The following EIF2AK4 variants were observed in gnomAD, a reference collection of about 807,000 sequenced individuals.
The protein encoded by EIF2AK4 is eIF-2-alpha kinase GCN2.
A neutral mutation model predicts 211.1 loss-of-function variants in EIF2AK4; 139 were observed. That is an observed-to-expected ratio of 0.66 (90% CI 0.57 to 0.76). EIF2AK4 has a LOEUF of 0.76. Ranked by LOEUF, EIF2AK4 falls within the 30% of genes least tolerant of loss-of-function variation. The pLI is 0.00. For missense variants in EIF2AK4, 1,664 were observed against 2,043.8 expected, an observed-to-expected ratio of 0.81 and a Z score of 3.58; for synonymous variants, 710 against 751.3, an observed-to-expected ratio of 0.94 and a Z score of 0.90.
intron 23 of EIF2AK4, 112 bp downstream of exon 23, chr15:40,003,426 G>C: frequency 6.8e-7 from 1 of 1,477,324 alleles, no homozygotes; most frequent in African/African-American, 1.4e-5. Context: ...TCACCTTTGG[G>C]AAATGTATTC....
At position 40,009,672 on chromosome 15, in the gene EIF2AK4, A is replaced by G. The variant is rs757035408; in HGVS notation, c.3635A>G (p.His1212Arg). 1 of 1,610,868 alleles carries G rather than the reference A, an allele frequency of 6.2e-7. No homozygotes were observed. The highest frequency in any genetic ancestry group is 8.5e-7 in the Non-Finnish European group (1 of 1,178,650). ...ATGTTATTGAAAGCAATACTCTTAC[A>G]CTGTGGGATCCCAGAAGATAAACTC... The part of the protein sequence containing the change: ...HTMLLKAILL[H>R]CGIPEDKLSQ... Residue 1212 changes from histidine (H) to arginine (R), a missense_variant, in exon 26 of 39, where the codon CAC becomes CGC. Physicochemically the swap from His to Arg is conservative, Grantham distance 29. Around this residue, in one of 7 missense-constraint regions of EIF2AK4, gnomAD observed 622 missense variants for 796.8 expected, o/e 0.78. Coordinates refer to ENST00000263791, the MANE Select transcript of EIF2AK4 (RefSeq NM_001013703.4).
intron 9 of EIF2AK4, 39 bp downstream of exon 9, chr15:39,967,918 C>T (rs2034568060): frequency 1.3e-6 from 2 of 1,593,270 alleles, no homozygotes; most frequent in East Asian, 4.5e-5. Flanking sequence ...GCACTTTACT[C>T]CTGTACTTTT....
intron 3 of EIF2AK4, among the ~76,000 whole-genome samples, chr15:39,947,152 CTCT>C (rs2034240329): frequency 6.6e-6 from 1 of 152,146 alleles, no homozygotes; most frequent in Non-Finnish European, 1.5e-5. Flanking sequence ...GTGCAAATCA[CTCT>C]TCTTGTTTAT....
At chr15:39,937,719 G>C (rs1188306734) in intron 1 of EIF2AK4, among the ~76,000 whole-genome samples, 7 of 146,926 alleles carry the variant, frequency 4.8e-5, no homozygotes, top group Non-Finnish European at 9.1e-5. Context: ...ATATAAGTAG[G>C]TTTTTTTTTT....
chr15:40,033,228 G>A (rs1430512860), intron 37 of EIF2AK4, among the ~76,000 whole-genome samples: 1 of 152,158 alleles, frequency 6.6e-6, no homozygotes, highest in Non-Finnish European at 1.5e-5. Context: ...CTAGTAAGTA[G>A]TAGAACCAGG....
chr15:40,006,238 G>A (rs950555799), intron 23 of EIF2AK4, among the ~76,000 whole-genome samples: 4 of 151,876 alleles, frequency 2.6e-5, no homozygotes, highest in Non-Finnish European at 5.9e-5. Context: ...CTTTTATAGT[G>A]AGTAAAGTGA....
intron 2 of EIF2AK4, among the ~76,000 whole-genome samples, chr15:39,940,591 TA>T (rs2034131309): frequency 6.6e-6 from 1 of 152,210 alleles, no homozygotes; most frequent in East Asian, 1.9e-4. Flanking sequence ...ATACATACTA[TA>T]AAAATATTAA....
intron 27 of EIF2AK4, 111 bp downstream of exon 27, chr15:40,011,457 T>A: frequency 1.2e-6 from 1 of 833,032 alleles, no homozygotes; most frequent in African/African-American, 1.7e-5. Flanking sequence ...TCCTACCACC[T>A]CGCAGATGCA....
At chr15:39,965,911 A>C in intron 8 of EIF2AK4, 68 bp downstream of exon 8, 1 of 1,573,836 alleles carries the variant, frequency 6.4e-7, no homozygotes, top group Non-Finnish European at 8.6e-7. Flanking sequence ...ACAGAACAAA[A>C]TAGCCCTGCA....
intron 23 of EIF2AK4, among the ~76,000 whole-genome samples, chr15:40,005,105 G>T (rs1194280686): frequency 6.6e-6 from 1 of 152,190 alleles, no homozygotes; most frequent in Non-Finnish European, 1.5e-5. Context: ...ATCTAAAGAT[G>T]ATTTAAAGTG....
intron 27 of EIF2AK4, among the ~76,000 whole-genome samples, chr15:40,013,515 C>T (rs2035264986): frequency 6.6e-6 from 1 of 151,936 alleles, no homozygotes; most frequent in South Asian, 2.1e-4. Flanking sequence ...AGGAGCAAGT[C>T]ACGTCTTATA....
intron 31 of EIF2AK4, 159 bp from the exon 32 acceptor site, chr15:40,022,360 A>G (rs191024605): frequency 4.3e-5 from 26 of 601,900 alleles, no homozygotes; most frequent in East Asian, 6.0e-5. Flanking sequence ...CTTGAATTCT[A>G]TGCGGCTTCT....
At chr15:39,994,229 A>G (rs2034988887) in intron 18 of EIF2AK4, among the ~76,000 whole-genome samples, 1 of 152,214 alleles carries the variant, frequency 6.6e-6, no homozygotes, top group African/African-American at 2.4e-5. Flanking sequence ...CAGAAGGATA[A>G]ATTTGAAATC....
chr15:39,995,602 T>C (rs1374834594), intron 18 of EIF2AK4, among the ~76,000 whole-genome samples: 3 of 152,168 alleles, frequency 2.0e-5, no homozygotes, highest in African/African-American at 4.8e-5. Flanking sequence ...GATACTTTTT[T>C]TGTTTTTGTC....
rs186949228 is a variant in EIF2AK4, at chr15:39,971,250, G to A, written c.1554-1658G>A. Among the ~76,000 whole-genome samples the A allele has an allele frequency of 4.0e-3, 610 of 152,248 alleles. 5 individuals are homozygous for A. The highest frequency in any genetic ancestry group is 0.014 in the African/African-American group (577 of 41,542). On this transcript the variant is annotated intron_variant, in intron 9 of 38. Transcript: ENST00000263791. The stretch of plus-strand genomic sequence containing the variant: ...TTTAAGTATTCCAGCACAGCAGGGC[G>A]TGATACCTCACACCTGTAATCCCAG...
intron 19 of EIF2AK4, among the ~76,000 whole-genome samples, chr15:39,997,883 C>T (rs190337035): frequency 6.6e-6 from 1 of 152,226 alleles, no homozygotes. Flanking sequence ...ATGAGCGAGA[C>T]ATCTGGAGAG....
At chr15:39,966,900 G>A (rs924395307) in intron 8 of EIF2AK4, among the ~76,000 whole-genome samples, 1 of 152,124 alleles carries the variant, frequency 6.6e-6, no homozygotes. Flanking sequence ...TGAGGATTAG[G>A]ATGTGGCCAT....
intron 22 of EIF2AK4, 40 bp from the exon 23 acceptor site, chr15:40,003,153 G>A (rs1455795774): frequency 6.2e-7 from 1 of 1,609,720 alleles, no homozygotes; most frequent in African/African-American, 1.3e-5. Flanking sequence ...TAAGGAGAAT[G>A]TGAACCTGAT....
At chr15:39,942,263 A>G (rs2034155534) in intron 2 of EIF2AK4, among the ~76,000 whole-genome samples, 1 of 152,112 alleles carries the variant, frequency 6.6e-6, no homozygotes, top group Non-Finnish European at 1.5e-5. Flanking sequence ...AATTCTGGAA[A>G]TTTCAGCCCC....
Sources: gnomAD v4.1 joint callset for allele counts (sites outside exome capture counted in the v4.1 genomes callset) on GRCh38, gnomAD v4.1.1 for gene constraint, gnomAD v4.1.1 regional missense constraint, MANE v1.5 for transcripts, NCBI Gene and HGNC (gene_info 2026-07-23, HGNC 2026-07-21) for gene names.